ZFR: variants seen among roughly 807,000 people sequenced by gnomAD.
The protein encoded by ZFR is zinc finger RNA binding protein.
ZFR carries 19 observed loss-of-function variants against 130.7 expected under a neutral mutation model. That is an observed-to-expected ratio of 0.15 (90% CI 0.10 to 0.21). The LOEUF is 0.21. ZFR is among the 10% of genes least tolerant of loss of function. The pLI is 1.00. For missense variants in ZFR, 872 were observed against 1,321.5 expected (o/e 0.66, Z 5.27); for synonymous variants, 466 against 456.9 (o/e 1.02, Z -0.25).
chr5:32,360,957 T>C (rs1042766885), intron 19 of ZFR, among the ~76,000 whole-genome samples: 2 of 152,158 alleles, frequency 1.3e-5, no homozygotes, highest in Admixed American at 1.3e-4. Context: ...CGATTACAGG[T>C]GCACGCCACC....
chr5:32,438,685 G>A (rs1754396215), intron 2 of ZFR, among the ~76,000 whole-genome samples: 1 of 152,046 alleles, frequency 6.6e-6, no homozygotes, highest in African/African-American at 2.4e-5. Context: ...TATTAGTAAT[G>A]AGGACTCCAA....
chr5:32,423,842 T>A (rs1414523115), intron 2 of ZFR, among the ~76,000 whole-genome samples: 1 of 152,168 alleles, frequency 6.6e-6, no homozygotes, highest in Non-Finnish European at 1.5e-5. Context: ...GACTTCTTAC[T>A]GGTAACACTA....
chr5:32,380,914 T>C (rs1332565531), intron 15 of ZFR, among the ~76,000 whole-genome samples: 1 of 151,292 alleles, frequency 6.6e-6, no homozygotes, highest in Non-Finnish European at 1.5e-5. Context: ...CCTCCCAAAG[T>C]GCTAGGATTA....
chr5:32,379,442 T>C, intron 16 of ZFR: 2 of 504,054 alleles, frequency 4.0e-6, no homozygotes, highest in South Asian at 4.2e-5. Flanking sequence ...GAATAATATT[T>C]CTTGATCCCC....
chr5:32,366,259 C>T (rs772409248), intron 17 of ZFR, among the ~76,000 whole-genome samples: 8 of 152,096 alleles, frequency 5.3e-5, no homozygotes, highest in Non-Finnish European at 1.2e-4. Context: ...TCATAAAATA[C>T]GTAACTTTCG....
At position 32,380,650 on chromosome 5, in the gene ZFR, CTTTTTTTTTTTTTT is replaced by C. The variant is rs55724344; in HGVS notation, c.2642-492_2642-479del. ...AATGAAGAACCCAAAACAGGCATTT[CTTTTTTTTTTTTTT>C]TTTTTTTTGAGACGGAGTGTCACTC... On this transcript the variant is annotated intron_variant, in intron 15 of 19. Transcript: ENST00000265069. Among the ~76,000 whole-genome samples the C allele has an allele frequency of 1.4e-3, 134 of 97,060 alleles. 1 individual carries two copies. Among genetic ancestry groups the C allele is most frequent in the South Asian group, 7.8e-3 (23 of 2,946 alleles). 63.7% of individuals were successfully genotyped at this position (97,060 alleles called of 152,430 possible).
intron 19 of ZFR, among the ~76,000 whole-genome samples, chr5:32,358,589 G>A (rs1752363745): frequency 6.6e-6 from 1 of 152,074 alleles, no homozygotes; most frequent in Middle Eastern, 3.4e-3. Flanking sequence ...CCCCGGAGGC[G>A]GCTGCACTCC....
At chr5:32,431,154 T>G (rs1368522428) in intron 2 of ZFR, among the ~76,000 whole-genome samples, 1 of 152,152 alleles carries the variant, frequency 6.6e-6, no homozygotes, top group Admixed American at 6.5e-5. Flanking sequence ...TTAGAAAGAA[T>G]AAAAATGATC....
At chr5:32,427,270 G>A (rs1754093885) in intron 2 of ZFR, among the ~76,000 whole-genome samples, 1 of 149,422 alleles carries the variant, frequency 6.7e-6, no homozygotes, top group African/African-American at 2.5e-5. Flanking sequence ...ACACGTGCAT[G>A]TAGTCCCAGC....
Position 32,376,656 on chromosome 5 carries a change from A to G in ZFR, c.2835+2459T>C, listed in dbSNP as rs148516553. On this transcript the variant is annotated intron_variant, in intron 17 of 19. Coordinates refer to ENST00000265069, the MANE Select transcript of ZFR (RefSeq NM_016107.5). ...AGCAGGTGTGAACTAATTTGTCAAAATACAAAATCCAGAAATGATAAAAAA... is the reference window on the plus strand; with the variant it reads ...AGCAGGTGTGAACTAATTTGTCAAAGTACAAAATCCAGAAATGATAAAAAA... 1.5e-3 allele frequency among the ~76,000 whole-genome samples: 221 copies of G among 151,602 alleles called. 1 individual carries two copies. Among genetic ancestry groups the G allele is most frequent in the African/African-American group, 5.2e-3 (216 of 41,338 alleles).
chr5:32,386,275 T>C (rs1049851073), intron 14 of ZFR, among the ~76,000 whole-genome samples: 6 of 152,094 alleles, frequency 3.9e-5, no homozygotes, highest in Non-Finnish European at 8.8e-5. Context: ...TTCTGTAAGA[T>C]GGAGAAAATA....
chr5:32,370,253 CTCA>C (rs1319779924), intron 17 of ZFR, among the ~76,000 whole-genome samples: 1 of 151,128 alleles, frequency 6.6e-6, no homozygotes, highest in Non-Finnish European at 1.5e-5. Flanking sequence ...TGCTGAAATA[CTCA>C]TCATAGGACA....
rs942519111 is a variant in ZFR, at chr5:32,379,112, T to C, written c.2835+3A>G. The C allele has an allele frequency of 2.5e-6, 4 of 1,609,636 alleles. No individual in the cohort carries two copies. The highest frequency in any genetic ancestry group is 1.1e-5 in the South Asian group (1 of 90,976). ...TTACACCATACAGTTACGTACTACTTACCCAGCTTGGAAAATCAGACCAAG... is the reference window on the plus strand; with the variant it reads ...TTACACCATACAGTTACGTACTACTCACCCAGCTTGGAAAATCAGACCAAG... On this transcript the variant is annotated splice_donor_region_variant and intron_variant, in intron 17 of 19. Coordinates refer to ENST00000265069, the MANE Select transcript of ZFR (RefSeq NM_016107.5).
intron 6 of ZFR, among the ~76,000 whole-genome samples, chr5:32,405,387 T>C (rs956279259): frequency 3.3e-5 from 5 of 152,194 alleles, no homozygotes; most frequent in Non-Finnish European, 5.9e-5. Flanking sequence ...ATCTCAATGA[T>C]ATTTTTCGCT....
intron 19 of ZFR, among the ~76,000 whole-genome samples, chr5:32,357,773 T>C (rs1252970703): frequency 6.6e-6 from 1 of 152,246 alleles, no homozygotes; most frequent in African/African-American, 2.4e-5. Flanking sequence ...TCAGCTGGCA[T>C]TTACTTGTAT....
intron 5 of ZFR, among the ~76,000 whole-genome samples, chr5:32,408,150 AC>A (rs1346929246): frequency 6.6e-6 from 1 of 152,100 alleles, no homozygotes; most frequent in Non-Finnish European, 1.5e-5. Flanking sequence ...ATTAAGCTTA[AC>A]TTGGTGATTT....
rs529000991 is a variant in ZFR, at chr5:32,374,081, T to G, written c.2835+5034A>C. ...AGATGCAGTGGTCTTGAGAGTCTATTCATACAAGTAACAACGTGGACTTAC... is the reference window on the plus strand; with the variant it reads ...AGATGCAGTGGTCTTGAGAGTCTATGCATACAAGTAACAACGTGGACTTAC... On this transcript the variant is annotated intron_variant, in intron 17 of 19. Transcript: ENST00000265069. Among the ~76,000 whole-genome samples, 87 of 152,310 alleles carry G rather than the reference T, an allele frequency of 5.7e-4. 1 individual carries two copies. The South Asian group carries it at 0.017, about 30-fold the overall frequency.
chr5:32,421,158 T>C (rs1753948329), intron 2 of ZFR, among the ~76,000 whole-genome samples: 1 of 152,126 alleles, frequency 6.6e-6, no homozygotes, highest in South Asian at 2.1e-4. Context: ...TTGTTCTAGG[T>C]TTTCTGAATA....
intron 5 of ZFR, among the ~76,000 whole-genome samples, chr5:32,408,929 C>T (rs761575820): frequency 2.6e-5 from 4 of 152,214 alleles, no homozygotes; most frequent in African/African-American, 4.8e-5. Context: ...GACTACTTTT[C>T]TCCTGGATAT....
Sources: gnomAD v4.1 joint callset for allele counts (sites outside exome capture counted in the v4.1 genomes callset) on GRCh38, gnomAD v4.1.1 for gene constraint, MANE v1.5 for transcripts, NCBI Gene and HGNC (gene_info 2026-07-23, HGNC 2026-07-21) for gene names.